Variants in KCTD3 observed in about 807,000 individuals in gnomAD.
KCTD3 encodes BTB/POZ domain-containing protein KCTD3.
In KCTD3, 41 loss-of-function variants were observed where a neutral mutation model predicts 85.8. The ratio of observed to expected loss-of-function variants is 0.48; its 90% CI spans 0.37 to 0.62. KCTD3 has a LOEUF of 0.62. Among genes scored for constraint, KCTD3 ranks in the 20% least tolerant of loss-of-function variants. The pLI is 0.00. For missense variants in KCTD3, 724 were observed against 989.9 expected, an observed-to-expected ratio of 0.73 and a Z score of 3.60; for synonymous variants, 338 against 345.4, an observed-to-expected ratio of 0.98 and a Z score of 0.24.
intron 4 of KCTD3, among the ~76,000 whole-genome samples, chr1:215,577,290 T>C (rs888596532): frequency 2.0e-5 from 3 of 152,176 alleles, no homozygotes; most frequent in Non-Finnish European, 4.4e-5. Context: ...TTAAGATAGA[T>C]ATGTATAGAA....
chr1:215,582,510 A>T (rs1284036826), intron 8 of KCTD3, among the ~76,000 whole-genome samples: 1 of 152,104 alleles, frequency 6.6e-6, no homozygotes, highest in Non-Finnish European at 1.5e-5. Context: ...ATAACAGAGC[A>T]TATTCTTGTT....
At chr1:215,577,753 G>GT in intron 5 of KCTD3, 25 bp downstream of exon 5, 1 of 1,535,610 alleles carries the variant, frequency 6.5e-7, no homozygotes, top group Non-Finnish European at 9.0e-7. Context: ...AATATTTGGT[G>GT]TTTATGATTT....
chr1:215,603,915 G>A (rs1353741643), intron 12 of KCTD3, among the ~76,000 whole-genome samples: 8 of 152,250 alleles, frequency 5.3e-5, no homozygotes, highest in Middle Eastern at 3.4e-3. Context: ...GAATAGTTAC[G>A]TCTTGGAGTG....
Position 215,567,581 on chromosome 1 carries a change from G to GC in KCTD3, c.-101dup. The stretch of plus-strand genomic sequence containing the variant: ...CACCCCCCGCCCTCCGGCCGCCGCC[G>GC]CCCCGCTGGCCCTGCAGCCGTCGCC... On this transcript the variant is annotated 5_prime_UTR_variant, in exon 1 of 18. Transcript: ENST00000259154. 3 of 488,106 alleles carry GC rather than the reference G, an allele frequency of 6.1e-6. No homozygotes were observed. Among genetic ancestry groups the GC allele is most frequent in the Non-Finnish European group, 8.6e-6 (3 of 348,726 alleles). 30.2% of individuals were successfully genotyped at this position (488,106 alleles called of 1,614,324 possible). A position where few individuals can be genotyped will look rare whatever the true frequency, so the allele number is the denominator to read the frequency against.
chr1:215,603,117 T>C (rs1483252430), intron 12 of KCTD3, among the ~76,000 whole-genome samples: 2 of 152,086 alleles, frequency 1.3e-5, no homozygotes, highest in African/African-American at 4.8e-5. Context: ...TTACGGAAAG[T>C]GTACCAACCC....
chr1:215,596,721 A>G (rs1170222753), intron 10 of KCTD3, among the ~76,000 whole-genome samples: 1 of 152,202 alleles, frequency 6.6e-6, no homozygotes, highest in Non-Finnish European at 1.5e-5. Flanking sequence ...AAAGCAGAGA[A>G]TCCAAGTGAT....
At chr1:215,611,093 CAA>C (rs1211355420) in intron 14 of KCTD3, among the ~76,000 whole-genome samples, 1 of 151,780 alleles carries the variant, frequency 6.6e-6, no homozygotes, top group Non-Finnish European at 1.5e-5. Context: ...AAGTTTTAAA[CAA>C]AAACTTTTTT....
chr1:215,576,918 A>G (rs750778675), intron 4 of KCTD3, among the ~76,000 whole-genome samples: 2 of 152,246 alleles, frequency 1.3e-5, no homozygotes, highest in Non-Finnish European at 2.9e-5. Context: ...CAGTTTCACA[A>G]ATAAAAACAA....
At chr1:215,615,097 AT>A (rs1467143105) in intron 15 of KCTD3, among the ~76,000 whole-genome samples, 1 of 152,172 alleles carries the variant, frequency 6.6e-6, no homozygotes, top group East Asian at 1.9e-4. Context: ...AAATTTTATA[AT>A]TTTTAAGTTT....
Position 215,620,926 on chromosome 1 carries a change from T to C in KCTD3, c.*308T>C, listed in dbSNP as rs562846382. On this transcript the variant is annotated 3_prime_UTR_variant, in exon 18 of 18. Coordinates refer to ENST00000259154, the MANE Select transcript of KCTD3 (RefSeq NM_016121.5). The stretch of plus-strand genomic sequence containing the variant: ...ACGTCTTAATAGGATGGTGCCCATA[T>C]AGGTGAGCATCCCTTTAGATCATGG... The C allele has an allele frequency of 9.0e-6, 3 of 334,974 alleles. No individual in the cohort carries two copies. Among genetic ancestry groups the C allele is most frequent in the Admixed American group, 4.6e-5 (1 of 21,778 alleles). The allele number at this position is 334,974 out of a possible 1,614,324, so 20.8% of individuals were successfully genotyped here.
At chr1:215,580,796 C>G (rs905864514) in intron 8 of KCTD3, among the ~76,000 whole-genome samples, 10 of 151,934 alleles carry the variant, frequency 6.6e-5, no homozygotes, top group African/African-American at 2.4e-4. Context: ...TGAAAAATAT[C>G]TAAAATGTCT....
rs768518911 is a variant in KCTD3, at chr1:215,620,395, C to T, written c.2225C>T (p.Ser742Leu). Residue 742 changes from serine to leucine, a missense_variant, in exon 18 of 18, where the codon TCA (serine) becomes TTA (leucine). Transcript: ENST00000259154. Reference sequence around the variant, plus strand: ...GGTTTTTCAGAATCCAAGAAAAGGTCATCAGAAGATGAAAATGAAAATAAA... The same window carrying T: ...GGTTTTTCAGAATCCAAGAAAAGGTTATCAGAAGATGAAAATGAAAATAAA... ...AEGFSESKKR[S>L]SEDENENKIE... 4 of 1,612,474 alleles carry T rather than the reference C, an allele frequency of 2.5e-6. No individual in the cohort carries two copies. Among genetic ancestry groups the T allele is most frequent in the Non-Finnish European group, 3.4e-6 (4 of 1,179,326 alleles).
intron 15 of KCTD3, among the ~76,000 whole-genome samples, chr1:215,613,809 G>T (rs1027445086): frequency 1.3e-5 from 2 of 151,950 alleles, no homozygotes; most frequent in African/African-American, 4.8e-5. Context: ...GTGGTTTTAA[G>T]TATATGGCTT....
At chr1:215,606,330 G>A (rs893950289) in intron 13 of KCTD3, among the ~76,000 whole-genome samples, 1 of 152,064 alleles carries the variant, frequency 6.6e-6, no homozygotes, top group Non-Finnish European at 1.5e-5. Flanking sequence ...TTTCTCTAAC[G>A]GTACCTTGCT....
At chr1:215,596,652 A>G (rs574246835) in intron 10 of KCTD3, among the ~76,000 whole-genome samples, 2 of 152,306 alleles carry the variant, frequency 1.3e-5, no homozygotes, top group South Asian at 4.1e-4. Context: ...GAGGAAGTAA[A>G]AGATCAGAGA....
chr1:215,577,936 A>G, intron 5 of KCTD3, 65 bp from the exon 6 acceptor site: 1 of 1,571,590 alleles, frequency 6.4e-7, no homozygotes, highest in Non-Finnish European at 8.6e-7. Flanking sequence ...TAGAGAAAAT[A>G]AAAATGGAGT....
At chr1:215,617,776 C>CTA (rs148720921) in intron 15 of KCTD3, among the ~76,000 whole-genome samples, 117 of 143,392 alleles carry the variant, frequency 8.2e-4, no homozygotes, top group African/African-American at 1.3e-3. Context: ...CATTGTCCCA[C>CTA]TATATATATA....
chr1:215,579,242 A>G, intron 7 of KCTD3, 105 bp downstream of exon 7: 2 of 791,112 alleles, frequency 2.5e-6, no homozygotes, highest in Admixed American at 6.0e-5. Context: ...CTCCTTTTTT[A>G]TCCAGATTTA....
At chr1:215,593,069 CT>C (rs1660283066) in intron 9 of KCTD3, among the ~76,000 whole-genome samples, 1 of 152,154 alleles carries the variant, frequency 6.6e-6, no homozygotes. Flanking sequence ...GCCCATAATA[CT>C]GAATATAGTT....
Sources: allele counts gnomAD v4.1 joint callset (sites outside exome capture counted in the v4.1 genomes callset), GRCh38; gene constraint gnomAD v4.1.1; transcripts MANE v1.5; gene names NCBI Gene and HGNC (gene_info 2026-07-23, HGNC 2026-07-21).